The following TOP3B variants were observed in gnomAD, a reference collection of about 807,000 sequenced individuals.
TOP3B encodes DNA topoisomerase III beta, also known as DNA topoisomerase 3-beta-1.
TOP3B carries 45 observed loss-of-function variants against 93.9 expected under a neutral mutation model. The ratio of observed to expected loss-of-function variants is 0.48; its 90% confidence interval spans 0.38 to 0.61. The LOEUF (loss-of-function observed/expected upper bound fraction) is 0.61. Ranked by LOEUF, TOP3B falls within the 20% of genes least tolerant of loss-of-function variation. The pLI, the probability that TOP3B is intolerant of heterozygous loss-of-function variation, is 0.00. For synonymous variants in TOP3B, 357 were observed against 472.6 expected, an observed-to-expected ratio of 0.76 and a Z score of 3.17; for missense variants, 750 against 1,156.1, an observed-to-expected ratio of 0.65 and a Z score of 5.09.
Position 21,959,749 on chromosome 22 carries a change from A to C in TOP3B, c.1655-13T>G, listed in dbSNP as rs745757343. On this transcript the variant is annotated splice_polypyrimidine_tract_variant and intron_variant, in intron 14 of 17. Transcript: ENST00000357179. ...ACCAGCTCTGCATCTGCAAGTGGGC[A>C]GGGGGCAGATATTGCCCTGAGCACT... 19 of 1,611,388 alleles carry C rather than the reference A, an allele frequency of 1.2e-5. No homozygotes were observed. Among genetic ancestry groups the C allele is most frequent in the Non-Finnish European group, 1.6e-5 (19 of 1,179,126 alleles).
chr22:21,981,311 G>C (rs1356371717), intron 1 of TOP3B, among the ~76,000 whole-genome samples: 1 of 152,176 alleles, frequency 6.6e-6, no homozygotes, highest in Admixed American at 6.5e-5. Context: ...CAGAGCTCCA[G>C]TGGCTGGACT....
At chr22:21,972,109 T>C (rs2071663726) in intron 4 of TOP3B, 158 bp from the exon 5 acceptor site, 2 of 592,612 alleles carry the variant, frequency 3.4e-6, no homozygotes, top group East Asian at 5.8e-5. Context: ...GTGTTGAGGC[T>C]GGCTCAGCCA....
Position 21,971,124 on chromosome 22 carries a change from G to A in TOP3B, c.385-718C>T, listed in dbSNP as rs2071620426. On this transcript the variant is annotated intron_variant, in intron 5 of 17. Coordinates refer to ENST00000357179, the MANE Select transcript of TOP3B (RefSeq NM_001282112.2). The surrounding 1 kb of genome is among the most constrained non-coding windows in gnomAD (Gnocchi z 4.6). The stretch of plus-strand genomic sequence containing the variant: ...CATTCCCAGATGCAAAGGCCCCCAG[G>A]GAGGAGCCGCCCTGCAGGGGAGGAG... The A allele has an allele frequency of 3.4e-6, 4 of 1,168,040 alleles. No homozygotes were observed. In the South Asian group the frequency reaches 5.2e-5, roughly 15 times the overall value. The allele number at this position is 1,168,040 out of a possible 1,614,324, so 72.4% of individuals were successfully genotyped here. A position where few individuals can be genotyped will look rare whatever the true frequency, so the allele number is the denominator to read the frequency against.
intron 14 of TOP3B, 199 bp downstream of exon 14, chr22:21,960,122 T>C: frequency 1.2e-6 from 1 of 813,578 alleles, no homozygotes; most frequent in South Asian, 1.7e-5. Flanking sequence ...TGTTCAGCCT[T>C]CAAACACACT....
chr22:21,959,563 G>A, intron 15 of TOP3B, 24 bp downstream of exon 15: 1 of 1,590,128 alleles, frequency 6.3e-7, no homozygotes, highest in Non-Finnish European at 8.6e-7. Flanking sequence ...CTCTGGTGAG[G>A]GGCAGGCCAG....
chr22:21,966,365 C>T (rs902234960), intron 8 of TOP3B: 9 of 152,138 alleles, frequency 5.9e-5, no homozygotes, highest in African/African-American at 1.9e-4. Context: ...GATGGAAATC[C>T]TACAGAAGCC....
chr22:21,963,263 G>C lies in TOP3B; in HGVS notation c.1205-370C>G. ...AGGCAGGGTGAACTGCTTGAACCTG[G>C]GAGGCAGAGGTTGCAGTGAGCCGAG... is the stretch of plus-strand genomic sequence containing the variant. On this transcript the variant is annotated intron_variant, in intron 11 of 17. Coordinates refer to ENST00000357179, the MANE Select transcript of TOP3B (RefSeq NM_001282112.2). This position sits in a 1 kb window ranked among gnomAD's most constrained non-coding sequence, Gnocchi z 4.8. The C allele has an allele frequency of 5.0e-6, 1 of 201,352 alleles. No homozygotes were observed. The highest frequency in any genetic ancestry group is 1.3e-4 in the East Asian group (1 of 7,858). 12.5% of individuals were successfully genotyped at this position (201,352 alleles called of 1,614,324 possible).
intron 15 of TOP3B, 136 bp downstream of exon 15, chr22:21,959,451 T>A (rs1284527001): frequency 1.3e-6 from 2 of 1,506,966 alleles, no homozygotes; most frequent in Non-Finnish European, 1.8e-6. Context: ...CCAGGAGGTG[T>A]CACTGACCTG....
intron 2 of TOP3B, 52 bp downstream of exon 2, chr22:21,975,588 T>TAACA: frequency 1.3e-6 from 2 of 1,525,968 alleles, no homozygotes; most frequent in East Asian, 4.8e-5. Context: ...AAATGTCCTG[T>TAACA]AACACATAAA....
chr22:21,973,488 G>A (rs1158965167), intron 3 of TOP3B: 3 of 138,732 alleles, frequency 2.2e-5, no homozygotes, highest in African/African-American at 8.2e-5. Flanking sequence ...GTCTCACTAT[G>A]TTGTCCAGAC....
intron 1 of TOP3B, among the ~76,000 whole-genome samples, chr22:21,980,698 A>C (rs1027246197): frequency 6.6e-6 from 1 of 152,190 alleles, no homozygotes; most frequent in East Asian, 1.9e-4. Context: ...GCATCTCCCA[A>C]GGCTCTGCTG....
rs2071466237 is a variant in TOP3B, at chr22:21,967,671, C to T, written c.784G>A (p.Val262Ile). ...GCGATCTCCCGGTCAAACACTCTTA[C>T]TCGGTCCCAGTCCAAAAGGAGAGAT... Reference protein sequence around the residue: ...DRSLLLDWDRVRVFDREIAQM... With the variant: ...DRSLLLDWDRIRVFDREIAQM... Residue 262 changes from valine (V) to isoleucine (I), a missense_variant, in exon 8 of 18, where the codon GTA becomes ATA. By Grantham distance (29) the Val-to-Ile change is conservative. Around this residue, in one of 4 missense-constraint regions of TOP3B, gnomAD observed 737 missense variants for 933.7 expected, o/e 0.79. Coordinates refer to ENST00000357179, the MANE Select transcript of TOP3B (RefSeq NM_001282112.2). 1.2e-6 allele frequency: 2 copies of T among 1,614,080 alleles called. No individual in the cohort carries two copies. Among genetic ancestry groups the T allele is most frequent in the African/African-American group, 1.3e-5 (1 of 74,936 alleles).
Position 21,960,337 on chromosome 22 carries a change from G to A in TOP3B, c.1638C>T (p.His546=), listed in dbSNP as rs761413733. 5.6e-6 allele frequency: 9 copies of A among 1,613,548 alleles called. No homozygotes were observed. The African/African-American group carries it at 9.3e-5, about 17-fold the overall frequency. The change falls in exon 14 of 18, where the codon CAC becomes CAT. Residue 546 remains histidine, a synonymous_variant. Transcript: ENST00000357179. ...KPTNLGIVLV[H]GYYKIDAELV... is the part of the protein sequence containing the mutation. ...GGAACTCACCAATCTTATAGTAGCC[G>A]TGCACCAGGACGATGCCGAGGTTGG... is the stretch of plus-strand genomic sequence containing the variant.
intron 8 of TOP3B, chr22:21,967,339 A>C (rs2071452450): frequency 4.7e-6 from 2 of 428,084 alleles, no homozygotes; most frequent in East Asian, 8.4e-5. Context: ...GAAAGGGGAG[A>C]GTGGAAGGGG....
intron 9 of TOP3B, chr22:21,964,975 G>A (rs1040951683): frequency 2.1e-5 from 5 of 238,290 alleles, no homozygotes; most frequent in Middle Eastern, 1.2e-3. Flanking sequence ...CCCCCTCCTC[G>A]TTACTAAGGA....
At chr22:21,959,859 G>T in intron 14 of TOP3B, 123 bp from the exon 15 acceptor site, 1 of 1,353,708 alleles carries the variant, frequency 7.4e-7, no homozygotes, top group Non-Finnish European at 9.9e-7. Flanking sequence ...CCTGGCCTCT[G>T]CCCTACCCAC....
intron 7 of TOP3B, chr22:21,968,000 C>T (rs953943398): frequency 5.0e-6 from 2 of 402,518 alleles, no homozygotes; most frequent in East Asian, 5.3e-5. Context: ...CTCACACCAC[C>T]CCTGCCTATC....
chr22:21,974,415 C>T lies in TOP3B; in HGVS notation c.144G>A (p.Gln48=), dbSNP rs1220236636. The T allele has an allele frequency of 5.6e-6, 9 of 1,614,076 alleles. No individual in the cohort carries two copies. In the South Asian group the frequency reaches 9.9e-5, roughly 18 times the overall value. ...CAGACGTCATCTTGAAGCGCACTGG[C>T]TGGCCAGCAAAGGTCCCAGTGTACT... ...VHEYTGTFAG[Q]PVRFKMTSVC... The change falls in exon 3 of 18, where the codon CAG becomes CAA. Residue 48 remains glutamine (Q), a synonymous_variant. Coordinates refer to ENST00000357179, the MANE Select transcript of TOP3B (RefSeq NM_001282112.2).
chr22:21,962,616 C>A lies in TOP3B; in HGVS notation c.1352-14G>T. On this transcript the variant is annotated splice_polypyrimidine_tract_variant and intron_variant, in intron 12 of 17. Coordinates refer to ENST00000357179, the MANE Select transcript of TOP3B (RefSeq NM_001282112.2). ...CCTCCGTGAAGCCTGGAGAGATATG[C>A]GCCGCCACTCAGGGTCCCCAGCCTG... 6.2e-7 allele frequency: 1 copy of A among 1,607,640 alleles called. No individual in the cohort carries two copies. The highest frequency in any genetic ancestry group is 8.5e-7 in the Non-Finnish European group (1 of 1,175,444).
Sources: gnomAD v4.1 joint callset for allele counts (sites outside exome capture counted in the v4.1 genomes callset) on GRCh38, gnomAD v4.1.1 for gene constraint, gnomAD v4.1.1 regional missense constraint, Gnocchi (gnomAD v3.1) non-coding constraint, MANE v1.5 for transcripts, NCBI Gene and HGNC (gene_info 2026-07-23, HGNC 2026-07-21) for gene names.